The following APCDD1L variants were observed in gnomAD, a reference collection of about 807,000 sequenced individuals.
APCDD1L encodes the protein protein APCDD1-like.
A neutral mutation model predicts 24.2 loss-of-function variants in APCDD1L; 21 were observed. The ratio of observed to expected loss-of-function variants is 0.87; its 90% CI spans 0.61 to 1.25. APCDD1L has a LOEUF of 1.25. APCDD1L is among the 50% of genes most tolerant of loss of function. The pLI is 0.00. For missense variants in APCDD1L, 704 were observed against 711.7 expected (o/e 0.99, Z 0.12); for synonymous variants, 321 against 323.6 (o/e 0.99, Z 0.09).
At chr20:58,496,993 C>T (rs148263038) in intron 1 of APCDD1L, among the ~76,000 whole-genome samples, 29 of 152,270 alleles carry the variant, frequency 1.9e-4, no homozygotes, top group South Asian at 4.1e-4. Context: ...AGAAAAGTCG[C>T]GATGCAAATT....
In APCDD1L at chr20:58,460,736, G is replaced by A. The variant is rs1461567820; in HGVS notation, c.*54C>T. ...CCTTCCCTACAGCTGCCAGGAGGGAGTCTGAAGGGTTGAATGGGTGTCCAG... is the reference window on the plus strand; with the variant it reads ...CCTTCCCTACAGCTGCCAGGAGGGAATCTGAAGGGTTGAATGGGTGTCCAG... On this transcript the variant is annotated 3_prime_UTR_variant, in exon 4 of 4. Coordinates refer to ENST00000371149, the MANE Select transcript of APCDD1L (RefSeq NM_153360.3). This position sits in a 1 kb window ranked among gnomAD's most constrained non-coding sequence, Gnocchi z 4.2. The A allele has an allele frequency of 1.3e-5, 19 of 1,495,858 alleles. No individual in the cohort carries two copies. The highest frequency in any genetic ancestry group is 4.7e-5 in the Admixed American group (2 of 42,530). The allele number at this position is 1,495,858 out of a possible 1,614,324, so 92.7% of individuals were successfully genotyped here.
chr20:58,485,143 T>TACAC (rs3069429), intron 1 of APCDD1L, among the ~76,000 whole-genome samples: 69,281 of 149,456 alleles, frequency 0.46, 15,979 homozygotes, highest in East Asian at 0.64. Flanking sequence ...TAGGTTGTGG[T>TACAC]ACACACACAC....
At chr20:58,506,777 A>T (rs1990534108) in intron 1 of APCDD1L, among the ~76,000 whole-genome samples, 1 of 152,248 alleles carries the variant, frequency 6.6e-6, no homozygotes. Flanking sequence ...AAGCCATGTT[A>T]TATAAACAGT....
chr20:58,466,254 CG>C (rs1433700107), intron 3 of APCDD1L, among the ~76,000 whole-genome samples: 1 of 152,038 alleles, frequency 6.6e-6, no homozygotes, highest in African/African-American at 2.4e-5. Context: ...GGAGTCAAGG[CG>C]GAACATGCTA....
At chr20:58,495,164 AC>A (rs1184326362) in intron 1 of APCDD1L, among the ~76,000 whole-genome samples, 1 of 152,142 alleles carries the variant, frequency 6.6e-6, no homozygotes, top group African/African-American at 2.4e-5. Flanking sequence ...TCGTCTGCCA[AC>A]CCTAGTGTCG....
chr20:58,506,480 T>C (rs183050925), intron 1 of APCDD1L, among the ~76,000 whole-genome samples: 2 of 152,272 alleles, frequency 1.3e-5, no homozygotes, highest in African/African-American at 4.8e-5. Context: ...GCAGTGAACT[T>C]CCCACATGGA....
intron 1 of APCDD1L, among the ~76,000 whole-genome samples, chr20:58,483,054 A>C (rs1486467841): frequency 6.6e-6 from 1 of 152,154 alleles, no homozygotes; most frequent in Non-Finnish European, 1.5e-5. Context: ...GGGCCTCCAG[A>C]GGGGCCCCAC....
chr20:58,474,287 C>T (rs1051397342), intron 1 of APCDD1L, among the ~76,000 whole-genome samples: 1 of 152,236 alleles, frequency 6.6e-6, no homozygotes, highest in Admixed American at 6.5e-5. Flanking sequence ...ACCCATTTTG[C>T]TGATGAGGAA....
chr20:58,463,465 T>G (rs979435011), intron 3 of APCDD1L, among the ~76,000 whole-genome samples: 3 of 152,212 alleles, frequency 2.0e-5, no homozygotes, highest in African/African-American at 7.2e-5. Context: ...GTAGTCTGCA[T>G]TTTGGAGTGA....
chr20:58,493,114 T>C (rs1990255533), intron 1 of APCDD1L, among the ~76,000 whole-genome samples: 1 of 151,646 alleles, frequency 6.6e-6, no homozygotes, highest in Non-Finnish European at 1.5e-5. Flanking sequence ...AATGCAAGCA[T>C]GCACACACAC....
intron 1 of APCDD1L, among the ~76,000 whole-genome samples, chr20:58,481,279 C>A (rs528798870): frequency 1.3e-5 from 2 of 152,206 alleles, no homozygotes; most frequent in Admixed American, 6.5e-5. Flanking sequence ...AAGGCTGAAG[C>A]TTTTATTGTT....
intron 1 of APCDD1L, among the ~76,000 whole-genome samples, chr20:58,478,808 T>G (rs1207828005): frequency 6.6e-6 from 1 of 151,858 alleles, no homozygotes; most frequent in Non-Finnish European, 1.5e-5. Context: ...TTGCCAAGAA[T>G]CTGGCTGAGG....
In APCDD1L at chr20:58,467,652, C is replaced by A; in HGVS notation, c.195G>T (p.Glu65Asp). 6.7e-7 allele frequency: 1 copy of A among 1,494,758 alleles called. No homozygotes were observed. The allele number at this position is 1,494,758 out of a possible 1,614,324, so 92.6% of individuals were successfully genotyped here. Residue 65 changes from glutamate (E) to aspartate (D), a missense_variant, in exon 3 of 4, where the codon GAG becomes GAT. Physicochemically the swap from Glu to Asp is conservative, Grantham distance 45. Transcript: ENST00000371149. This position sits in a 1 kb window ranked among gnomAD's most constrained non-coding sequence, Gnocchi z 5.9. The stretch of plus-strand genomic sequence containing the variant: ...TCAGGAACTCCGGTCCTGGGCGCAC[C>A]TCGCAGCTGCAGGGGTGGAAGGAGA... ...LNGPWISTGC[E>D]VRPGPEFLTR...
In APCDD1L at chr20:58,461,473, C is replaced by A; in HGVS notation, c.823G>T (p.Ala275Ser). Residue 275 changes from alanine to serine, a missense_variant, in exon 4 of 4, where the codon GCC (alanine) becomes TCC (serine). Coordinates refer to ENST00000371149, the MANE Select transcript of APCDD1L (RefSeq NM_153360.3). This position sits in a 1 kb window ranked among gnomAD's most constrained non-coding sequence, Gnocchi z 6.0. ...CAGCCGCCCAGGTGCAGGGGCAGGG[C>A]CAGAGGGGGCGGCAGCACGGGCGGG... ...HHPPVLPPPL[A>S]LPLHLGGWWV... 6.8e-7 allele frequency: 1 copy of A among 1,481,282 alleles called. No homozygotes were observed. Among genetic ancestry groups the A allele is most frequent in the South Asian group, 1.4e-5 (1 of 72,480 alleles). 91.8% of individuals were successfully genotyped at this position (1,481,282 alleles called of 1,614,324 possible). A position where few individuals can be genotyped will look rare whatever the true frequency, so the allele number is the denominator to read the frequency against.
In APCDD1L at chr20:58,467,691, G is replaced by A; in HGVS notation, c.189-33C>T. ...GGTGGAAGGAGATGGGCTGGGTGCA[G>A]AGGGAACACCGCGCCGCGAGCCCCT... is the stretch of plus-strand genomic sequence containing the variant. On this transcript the variant is annotated intron_variant, in intron 2 of 3. Coordinates refer to ENST00000371149, the MANE Select transcript of APCDD1L (RefSeq NM_153360.3). The surrounding 1 kb of genome is among the most constrained non-coding windows in gnomAD (Gnocchi z 5.9). The A allele has an allele frequency of 6.9e-7, 1 of 1,446,196 alleles. No homozygotes were observed. The highest frequency in any genetic ancestry group is 9.1e-7 in the Non-Finnish European group (1 of 1,098,776). 89.6% of individuals were successfully genotyped at this position (1,446,196 alleles called of 1,614,324 possible).
chr20:58,508,659 C>T lies in APCDD1L; in HGVS notation c.49+6000G>A, dbSNP rs1465554149. On this transcript the variant is annotated intron_variant, in intron 1 of 3. Transcript: ENST00000371149. The surrounding 1 kb of genome is among the most constrained non-coding windows in gnomAD (Gnocchi z 4.0). ...TCAGTGCAGCTGTGACTGGGGTTCC[C>T]GTCTGCCACTGCTTACACTATGTTG... Among the ~76,000 whole-genome samples the T allele has an allele frequency of 7.2e-5, 11 of 152,122 alleles. No individual in the cohort carries two copies. Among genetic ancestry groups the T allele is most frequent in the Non-Finnish European group, 1.2e-4 (8 of 68,026 alleles).
intron 1 of APCDD1L, among the ~76,000 whole-genome samples, chr20:58,485,386 T>A (rs1427059520): frequency 6.6e-6 from 1 of 152,214 alleles, no homozygotes; most frequent in Non-Finnish European, 1.5e-5. Flanking sequence ...ACACTGGATA[T>A]TAGCAAATAT....
intron 1 of APCDD1L, among the ~76,000 whole-genome samples, chr20:58,475,649 G>A (rs925350900): frequency 2.0e-5 from 3 of 152,174 alleles, no homozygotes; most frequent in African/African-American, 7.2e-5. Context: ...GCACGCGAAA[G>A]GAGAGCATCT....
intron 1 of APCDD1L, among the ~76,000 whole-genome samples, chr20:58,471,283 C>T (rs983311321): frequency 1.3e-5 from 2 of 152,214 alleles, no homozygotes; most frequent in African/African-American, 4.8e-5. Flanking sequence ...GCAGGCCCCT[C>T]GAGGCCACTC....
Sources: gnomAD v4.1 joint callset for allele counts (sites outside exome capture counted in the v4.1 genomes callset) on GRCh38, gnomAD v4.1.1 for gene constraint, Gnocchi (gnomAD v3.1) non-coding constraint, MANE v1.5 for transcripts, NCBI Gene and HGNC (gene_info 2026-07-23, HGNC 2026-07-21) for gene names.